Variants in NIPAL3 observed in about 807,000 individuals in gnomAD.
NIPAL3 encodes the protein NIPA like domain containing 3.
NIPAL3 carries 41 observed loss-of-function variants against 47.2 expected under a neutral mutation model. The ratio of observed to expected loss-of-function variants is 0.87; its 90% CI spans 0.68 to 1.13. The LOEUF (loss-of-function observed/expected upper bound fraction) is 1.13, where lower values mean the gene tolerates loss of function less well. NIPAL3 is among the 50% of genes most tolerant of loss of function. NIPAL3 has a pLI of 0.00. For missense variants in NIPAL3, 449 were observed against 530.1 expected, an observed-to-expected ratio of 0.85 and a Z score of 1.50; for synonymous variants, 194 against 209.6, an observed-to-expected ratio of 0.93 and a Z score of 0.64.
chr1:24,451,296 A>G lies in NIPAL3; in HGVS notation c.540+1670A>G, dbSNP rs1427013790. Among the ~76,000 whole-genome samples, 1 of 152,232 alleles carries G rather than the reference A, an allele frequency of 6.6e-6. No individual in the cohort carries two copies. The highest frequency in any genetic ancestry group is 2.4e-5 in the African/African-American group (1 of 41,462). Reference sequence around the variant, plus strand: ...GTGCTAGACACTATGGTTATAAAAAATAAATGAGACATGCCCACAGTACTC... The same window carrying G: ...GTGCTAGACACTATGGTTATAAAAAGTAAATGAGACATGCCCACAGTACTC... On this transcript the variant is annotated intron_variant, in intron 6 of 11. Transcript: ENST00000374399. This position sits in a 1 kb window ranked among gnomAD's most constrained non-coding sequence, Gnocchi z 4.5.
intron 3 of NIPAL3, among the ~76,000 whole-genome samples, chr1:24,441,645 A>G (rs926636808): frequency 6.6e-6 from 1 of 152,190 alleles, no homozygotes; most frequent in Non-Finnish European, 1.5e-5. Context: ...GGAATCCTGG[A>G]AACTGCAGAG....
intron 2 of NIPAL3, among the ~76,000 whole-genome samples, chr1:24,437,460 TG>T (rs1270700510): frequency 6.6e-6 from 1 of 152,164 alleles, no homozygotes; most frequent in East Asian, 1.9e-4. Flanking sequence ...TATGAGAAGT[TG>T]GGCTAATAAT....
chr1:24,460,375 A>C (rs1165064589), intron 9 of NIPAL3, 106 bp from the exon 10 acceptor site: 1 of 865,078 alleles, frequency 1.2e-6, no homozygotes, highest in Non-Finnish European at 1.8e-6. Context: ...AGTTTTGATC[A>C]TTTTAGTTTC....
At chr1:24,431,693 C>T (rs559177898) in intron 2 of NIPAL3, among the ~76,000 whole-genome samples, 1 of 152,084 alleles carries the variant, frequency 6.6e-6, no homozygotes, top group African/African-American at 2.4e-5. Context: ...CCTTTTAAAA[C>T]TGAATTAAAG....
chr1:24,463,884 C>T (rs1646583983), intron 10 of NIPAL3, 142 bp from the exon 11 acceptor site: 8 of 574,976 alleles, frequency 1.4e-5, no homozygotes, highest in Non-Finnish European at 2.1e-5. Flanking sequence ...GGCTGGCAGC[C>T]TCTCAGGGCT....
rs777259623 is a variant in NIPAL3, at chr1:24,464,139, G to T, written c.1021+19G>T. 7 of 1,595,188 alleles carry T rather than the reference G, an allele frequency of 4.4e-6. No individual in the cohort carries two copies. The African/African-American group carries it at 9.4e-5, about 21-fold the overall frequency. ...ATGCCAGGTAAGGTTAAAGCCCCGT[G>T]GGTCTAGCTGAACATCCATATAGAA... On this transcript the variant is annotated intron_variant, in intron 11 of 11. Transcript: ENST00000374399.
chr1:24,415,453 C>T (rs1273108134), upstream of NIPAL3: 1 of 152,064 alleles, frequency 6.6e-6, no homozygotes, highest in Non-Finnish European at 1.5e-5. Flanking sequence ...AGGGAGGACA[C>T]CTGGCAGGCT....
intron 2 of NIPAL3, among the ~76,000 whole-genome samples, chr1:24,436,156 C>T (rs745728866): frequency 1.8e-4 from 28 of 152,066 alleles, no homozygotes; most frequent in Non-Finnish European, 3.2e-4. Context: ...TAGGGGGCAG[C>T]GGGCACAAAC....
intron 11 of NIPAL3, chr1:24,465,918 TG>T: frequency 6.8e-7 from 1 of 1,466,030 alleles, no homozygotes; most frequent in Non-Finnish European, 9.0e-7. Context: ...ATAAAACTGC[TG>T]AACAGTCTCA....
At position 24,451,431 on chromosome 1, in the gene NIPAL3, C is replaced by G. The variant is rs980154395; in HGVS notation, c.540+1805C>G. Among the ~76,000 whole-genome samples, 1 of 152,004 alleles carries G rather than the reference C, an allele frequency of 6.6e-6. No individual in the cohort carries two copies. On this transcript the variant is annotated intron_variant, in intron 6 of 11. Transcript: ENST00000374399. The surrounding 1 kb of genome is among the most constrained non-coding windows in gnomAD (Gnocchi z 4.5). Reference sequence around the variant, plus strand: ...GGAGAACGGGCCACATGTGGTGGCTCACACCTATAATCTCAGCACTTTGGG... The same window carrying G: ...GGAGAACGGGCCACATGTGGTGGCTGACACCTATAATCTCAGCACTTTGGG...
chr1:24,428,292 GAGAGAGAGAGAC>G (rs1460380957), intron 2 of NIPAL3, among the ~76,000 whole-genome samples: 14 of 150,988 alleles, frequency 9.3e-5, no homozygotes, highest in East Asian at 3.9e-4. Flanking sequence ...GAGAGAGAGA[GAGAGAGAGAGAC>G]ACCAGAACCT....
chr1:24,442,445 C>T (rs1055537979), intron 4 of NIPAL3, among the ~76,000 whole-genome samples: 1 of 152,144 alleles, frequency 6.6e-6, no homozygotes, highest in Non-Finnish European at 1.5e-5. Context: ...TTGTTGTTAT[C>T]CCCATTTAAC....
intron 2 of NIPAL3, among the ~76,000 whole-genome samples, chr1:24,431,349 G>C (rs566485202): frequency 6.6e-6 from 1 of 152,256 alleles, no homozygotes; most frequent in African/African-American, 2.4e-5. Context: ...AAACTGCCGT[G>C]AAAGGTGAAA....
At chr1:24,443,504 C>T (rs1349112760) in intron 4 of NIPAL3, among the ~76,000 whole-genome samples, 2 of 152,194 alleles carry the variant, frequency 1.3e-5, no homozygotes, top group African/African-American at 4.8e-5. Flanking sequence ...TCAAGGCAGA[C>T]ATCGTTAATC....
chr1:24,419,516 C>G lies in NIPAL3; in HGVS notation c.-32C>G, dbSNP rs1215645889. 4 of 1,587,296 alleles carry G rather than the reference C, an allele frequency of 2.5e-6. No homozygotes were observed. The South Asian group carries it at 3.4e-5, about 14-fold the overall frequency. On this transcript the variant is annotated 5_prime_UTR_variant, in exon 2 of 12. Transcript: ENST00000374399. ...CCTAGCAGCAGCTCCACCTCCTAGG[C>G]CAGGCCCTGTGGGATGCGCCACTAG...
intron 2 of NIPAL3, among the ~76,000 whole-genome samples, chr1:24,428,429 A>T (rs6681281): frequency 1.3e-5 from 2 of 152,064 alleles, no homozygotes; most frequent in Non-Finnish European, 2.9e-5. Context: ...AGGTCAGAAG[A>T]CCCCCATTCC....
chr1:24,454,338 C>G lies in NIPAL3; in HGVS notation c.637+834C>G, dbSNP rs752002085. On this transcript the variant is annotated intron_variant, in intron 7 of 11. Coordinates refer to ENST00000374399, the MANE Select transcript of NIPAL3 (RefSeq NM_020448.5). The surrounding 1 kb of genome is among the most constrained non-coding windows in gnomAD (Gnocchi z 4.1). The stretch of plus-strand genomic sequence containing the variant: ...CTCTTGAGTGGCCTCAGGCTAATGA[C>G]CCTCCCTCCTTAAGCCACGCTGTCC... 17 of 1,095,494 alleles carry G rather than the reference C, an allele frequency of 1.6e-5. No individual in the cohort carries two copies. The highest frequency in any genetic ancestry group is 1.9e-5 in the Non-Finnish European group (17 of 894,484). The allele number at this position is 1,095,494 out of a possible 1,614,324, so 67.9% of individuals were successfully genotyped here. A position where few individuals can be genotyped will look rare whatever the true frequency, so the allele number is the denominator to read the frequency against.
chr1:24,414,529 A>C, upstream of NIPAL3: 1 of 134,088 alleles, frequency 7.5e-6, no homozygotes, highest in Non-Finnish European at 1.6e-5. Context: ...GTGAAATCCA[A>C]GCTTTTTTTT....
chr1:24,428,195 A>C (rs930480745), intron 2 of NIPAL3, among the ~76,000 whole-genome samples: 7 of 150,486 alleles, frequency 4.7e-5, no homozygotes, highest in African/African-American at 1.7e-4. Context: ...AGCTGAGATC[A>C]CGTCACTGCA....
Sources: gnomAD v4.1 joint callset for allele counts (sites outside exome capture counted in the v4.1 genomes callset) on GRCh38, gnomAD v4.1.1 for gene constraint, Gnocchi (gnomAD v3.1) non-coding constraint, MANE v1.5 for transcripts, NCBI Gene and HGNC (gene_info 2026-07-23, HGNC 2026-07-21) for gene names.